The following DLG2 variants were observed in gnomAD, a reference collection of about 807,000 sequenced individuals.
The protein encoded by DLG2 is discs large MAGUK scaffold protein 2.
DLG2 carries 45 observed loss-of-function variants against 132.5 expected under a neutral mutation model. The ratio of observed to expected loss-of-function variants is 0.34; its 90% CI spans 0.27 to 0.44. The LOEUF (loss-of-function observed/expected upper bound fraction) is 0.44. Ranked by LOEUF, DLG2 falls within the 20% of genes least tolerant of loss-of-function variation. The pLI is 1.00. For missense variants in DLG2, 1,045 were observed against 1,196.9 expected, an observed-to-expected ratio of 0.87 and a Z score of 1.87; for synonymous variants, 424 against 419.6, an observed-to-expected ratio of 1.01 and a Z score of -0.13.
intron 3 of DLG2, among the ~76,000 whole-genome samples, chr11:85,311,216 A>G (rs938579462): frequency 6.6e-6 from 1 of 152,196 alleles, no homozygotes; most frequent in Non-Finnish European, 1.5e-5. Context: ...GATGTTGTCC[A>G]TTACAGATGA....
intron 5 of DLG2, among the ~76,000 whole-genome samples, chr11:85,122,951 A>ATATATATATATAT (rs1555376302): frequency 9.0e-5 from 3 of 33,446 alleles, no homozygotes; most frequent in African/African-American, 1.3e-4. Context: ...TATATATATT[A>ATATATATATATAT]TATATATATA....
intron 6 of DLG2, among the ~76,000 whole-genome samples, chr11:85,005,969 C>G (rs2058625623): frequency 6.6e-6 from 1 of 152,154 alleles, no homozygotes; most frequent in Admixed American, 6.5e-5. Context: ...TTTTCTGCAT[C>G]TATTGAGATA....
At chr11:83,686,856 ATGT>A (rs1241085737) in intron 18 of DLG2, among the ~76,000 whole-genome samples, 3 of 152,168 alleles carry the variant, frequency 2.0e-5, no homozygotes, top group Non-Finnish European at 4.4e-5. Flanking sequence ...CAAAATTCAC[ATGT>A]TGAAGTCCTT....
At chr11:84,926,816 G>A (rs139459595) in intron 6 of DLG2, among the ~76,000 whole-genome samples, 56 of 152,134 alleles carry the variant, frequency 3.7e-4, no homozygotes, top group Middle Eastern at 6.8e-3. Flanking sequence ...TGCACTCCAT[G>A]AGCAAAAGTC....
intron 7 of DLG2, among the ~76,000 whole-genome samples, chr11:84,269,652 C>A (rs1185889215): frequency 6.6e-6 from 1 of 152,130 alleles, no homozygotes; most frequent in Non-Finnish European, 1.5e-5. Context: ...GCCGCATAAC[C>A]TTCACATTAG....
intron 3 of DLG2, among the ~76,000 whole-genome samples, chr11:85,428,218 T>C (rs1448762056): frequency 2.6e-5 from 4 of 152,028 alleles, no homozygotes; most frequent in African/African-American, 7.3e-5. Flanking sequence ...GACAGATCAA[T>C]GACACAGAAA....
intron 18 of DLG2, among the ~76,000 whole-genome samples, chr11:83,736,096 C>G (rs751932771): frequency 1.4e-4 from 21 of 152,150 alleles, no homozygotes; most frequent in Non-Finnish European, 2.6e-4. Flanking sequence ...ACAGTTCAAC[C>G]TAAATCATTT....
intron 20 of DLG2, among the ~76,000 whole-genome samples, chr11:83,536,570 T>G (rs2095882124): frequency 6.6e-6 from 1 of 151,930 alleles, no homozygotes; most frequent in Non-Finnish European, 1.5e-5. Flanking sequence ...GTGGTGTTTT[T>G]TTTTTTTTTT....
At chr11:85,040,626 A>G (rs961803335) in intron 6 of DLG2, among the ~76,000 whole-genome samples, 2 of 151,882 alleles carry the variant, frequency 1.3e-5, no homozygotes, top group Non-Finnish European at 1.5e-5. Context: ...TTATAACCTC[A>G]CTCTGTTACA....
chr11:83,930,278 T>G (rs772291549), intron 15 of DLG2, 50 bp downstream of exon 15: 4 of 1,601,410 alleles, frequency 2.5e-6, no homozygotes, highest in South Asian at 2.2e-5. Flanking sequence ...TTTATCCTTG[T>G]GGAAGCACAT....
chr11:84,439,155 G>A (rs1020997147), intron 7 of DLG2, among the ~76,000 whole-genome samples: 5 of 152,136 alleles, frequency 3.3e-5, no homozygotes, highest in South Asian at 2.1e-4. Flanking sequence ...TTTAATCTAC[G>A]TTTATTCAAG....
At chr11:83,625,037 T>C (rs1007294994) in intron 19 of DLG2, among the ~76,000 whole-genome samples, 2 of 152,212 alleles carry the variant, frequency 1.3e-5, no homozygotes, top group South Asian at 4.1e-4. Flanking sequence ...CAACATATCA[T>C]AGTCAATATG....
chr11:83,486,351 C>CAA (rs61265208), intron 21 of DLG2: 5,301 of 450,954 alleles, frequency 0.012, 5 homozygotes, highest in Non-Finnish European at 0.015. Flanking sequence ...ACTTGTCATG[C>CAA]AAAAAAAAAA....
chr11:84,385,218 A>T (rs986632083), intron 7 of DLG2, among the ~76,000 whole-genome samples: 2 of 151,876 alleles, frequency 1.3e-5, no homozygotes, highest in African/African-American at 2.4e-5. Context: ...AAGCAGTAAA[A>T]TTTTTTTAAT....
At chr11:85,082,735 C>CTTTTTT (rs71036458) in intron 6 of DLG2, among the ~76,000 whole-genome samples, 3 of 113,402 alleles carry the variant, frequency 2.6e-5, no homozygotes, top group Non-Finnish European at 5.4e-5. Flanking sequence ...TCTTTTCTTT[C>CTTTTTT]TTTTTTTTTT....
At chr11:85,176,999 T>C (rs1194421314) in intron 4 of DLG2, among the ~76,000 whole-genome samples, 1 of 152,092 alleles carries the variant, frequency 6.6e-6, no homozygotes, top group Non-Finnish European at 1.5e-5. Context: ...TACTTTACAC[T>C]GTGGGTGGGA....
At chr11:84,274,708 T>G (rs1175355450) in intron 7 of DLG2, among the ~76,000 whole-genome samples, 1 of 152,254 alleles carries the variant, frequency 6.6e-6, no homozygotes, top group Non-Finnish European at 1.5e-5. Flanking sequence ...TCTTTCAAAA[T>G]CTTTACCTAA....
At chr11:85,572,993 T>A (rs1198337682) in intron 3 of DLG2, among the ~76,000 whole-genome samples, 1 of 152,208 alleles carries the variant, frequency 6.6e-6, no homozygotes, top group African/African-American at 2.4e-5. Flanking sequence ...GAGTTCTCAC[T>A]CTGAGTTCAC....
chr11:84,720,834 C>G (rs2061744575), intron 6 of DLG2: 1 of 152,070 alleles, frequency 6.6e-6, no homozygotes, highest in African/African-American at 2.4e-5. Flanking sequence ...AAATTATTCC[C>G]TCTGAAGAAG....
Sources: gnomAD v4.1 joint callset for allele counts (sites outside exome capture counted in the v4.1 genomes callset) on GRCh38, gnomAD v4.1.1 for gene constraint, MANE v1.5 for transcripts, NCBI Gene and HGNC (gene_info 2026-07-23, HGNC 2026-07-21) for gene names.